GRIK3: variants seen among roughly 807,000 people sequenced by gnomAD.
GRIK3 encodes the protein glutamate receptor ionotropic, kainate 3.
GRIK3 carries 29 observed loss-of-function variants against 102.5 expected under a neutral mutation model. The observed-to-expected ratio is 0.28, with a 90% CI of 0.21 to 0.39. GRIK3 has a LOEUF of 0.39. GRIK3 is among the 10% of genes least tolerant of loss of function. The pLI, the probability that GRIK3 is intolerant of heterozygous loss-of-function variation, is 1.00. For missense variants in GRIK3, 908 were observed against 1,252.4 expected (o/e 0.73, Z 4.15); for synonymous variants, 511 against 504.9 (o/e 1.01, Z -0.16).
At chr1:36,927,826 G>C (rs903207543) in intron 1 of GRIK3, among the ~76,000 whole-genome samples, 2 of 152,120 alleles carry the variant, frequency 1.3e-5, no homozygotes, top group African/African-American at 2.4e-5. Context: ...AGAGTGTGAG[G>C]CTCCCCGAGA....
rs1570759176 is a variant in GRIK3 at position 36,850,118 on chromosome 1, C to T, written c.1326+193G>A. 4 of 574,928 alleles carry T rather than the reference C, an allele frequency of 7.0e-6. No individual in the cohort carries two copies. The East Asian group carries it at 8.7e-5, about 12-fold the overall frequency. The allele number at this position is 574,928 out of a possible 1,614,324, so 35.6% of individuals were successfully genotyped here. On this transcript the variant is annotated intron_variant, in intron 9 of 15. Coordinates refer to ENST00000373091, the MANE Select transcript of GRIK3 (RefSeq NM_000831.4). The surrounding 1 kb of genome is among the most constrained non-coding windows in gnomAD (Gnocchi z 4.0). ...GGAGTGAGACACAAAAACGCAGCGG[C>T]TTCCGCCCGTGGCAGCGAGCAGCGC...
In GRIK3 at chr1:36,802,061, G is replaced by A. The variant is rs1377956468; in HGVS notation, c.2566-16C>T. 1 of 1,591,158 alleles carries A rather than the reference G, an allele frequency of 6.3e-7. No individual in the cohort carries two copies. Among genetic ancestry groups the A allele is most frequent in the South Asian group, 1.1e-5 (1 of 87,568 alleles). On this transcript the variant is annotated splice_polypyrimidine_tract_variant and intron_variant, in intron 15 of 15. Coordinates refer to ENST00000373091, the MANE Select transcript of GRIK3 (RefSeq NM_000831.4). Reference sequence around the variant, plus strand: ...AGAAGGAACGCTGCAGGAGGGTGGAGGAGAGGGGTCGGAAAAGGGGCACAG... The same window carrying A: ...AGAAGGAACGCTGCAGGAGGGTGGAAGAGAGGGGTCGGAAAAGGGGCACAG...
chr1:36,913,690 C>A (rs543111061), intron 1 of GRIK3, among the ~76,000 whole-genome samples: 4 of 152,170 alleles, frequency 2.6e-5, no homozygotes, highest in Non-Finnish European at 5.9e-5. Flanking sequence ...GGCAACACCA[C>A]GCCCCACAGC....
chr1:36,834,736 G>T (rs1640351301), intron 10 of GRIK3, among the ~76,000 whole-genome samples: 1 of 152,170 alleles, frequency 6.6e-6, no homozygotes, highest in Non-Finnish European at 1.5e-5. Flanking sequence ...ATCTCCAAAA[G>T]AATCCTGTCC....
chr1:36,967,048 G>C (rs531938051), intron 1 of GRIK3, among the ~76,000 whole-genome samples: 4 of 152,278 alleles, frequency 2.6e-5, no homozygotes, highest in East Asian at 1.9e-4. Context: ...TAAGTATCAG[G>C]TCTTGTGTTG....
chr1:36,930,855 G>C (rs1641580141), intron 1 of GRIK3, among the ~76,000 whole-genome samples: 1 of 152,192 alleles, frequency 6.6e-6, no homozygotes, highest in Non-Finnish European at 1.5e-5. Flanking sequence ...CCTGTATCTT[G>C]AGAGCTACCC....
chr1:36,804,752 C>A (rs1023325551), intron 15 of GRIK3: 3 of 568,544 alleles, frequency 5.3e-6, no homozygotes, highest in Admixed American at 3.3e-5. Context: ...TTGAAGGCTG[C>A]GGCATAATCC....
intron 1 of GRIK3, among the ~76,000 whole-genome samples, chr1:37,013,846 C>T (rs1642624232): frequency 6.6e-6 from 1 of 152,220 alleles, no homozygotes; most frequent in South Asian, 2.1e-4. Flanking sequence ...GAACCTGGGC[C>T]AGCTGGGGAA....
intron 1 of GRIK3, among the ~76,000 whole-genome samples, chr1:36,976,207 G>A (rs1642194655): frequency 6.6e-6 from 1 of 152,120 alleles, no homozygotes; most frequent in Non-Finnish European, 1.5e-5. Flanking sequence ...AGGCATTTGA[G>A]TGAATCCTTG....
At chr1:36,938,976 A>G (rs1641689426) in intron 1 of GRIK3, among the ~76,000 whole-genome samples, 1 of 152,188 alleles carries the variant, frequency 6.6e-6, no homozygotes, top group Non-Finnish European at 1.5e-5. Flanking sequence ...GAGCCAGCAC[A>G]AGACGGAAAG....
intron 10 of GRIK3, among the ~76,000 whole-genome samples, chr1:36,834,461 T>C (rs939013405): frequency 1.3e-5 from 2 of 152,062 alleles, no homozygotes; most frequent in African/African-American, 4.8e-5. Flanking sequence ...AAAGCCCACA[T>C]ATATTTAAAT....
At chr1:36,853,825 G>C in intron 7 of GRIK3, 103 bp from the exon 8 acceptor site, 1 of 709,254 alleles carries the variant, frequency 1.4e-6, no homozygotes, top group South Asian at 1.6e-5. Context: ...CACTGATACT[G>C]TTCCCCCAAG....
At chr1:36,834,981 C>T (rs1200323371) in intron 10 of GRIK3, among the ~76,000 whole-genome samples, 1 of 152,220 alleles carries the variant, frequency 6.6e-6, no homozygotes, top group African/African-American at 2.4e-5. Flanking sequence ...AAGTTTGAGG[C>T]CTTTTCCTCG....
chr1:36,847,130 G>T (rs989416480), intron 9 of GRIK3, among the ~76,000 whole-genome samples: 1 of 152,228 alleles, frequency 6.6e-6, no homozygotes, highest in Non-Finnish European at 1.5e-5. Context: ...GGGTTAAGAT[G>T]GTCAGTGGCC....
At chr1:36,927,861 C>A (rs888886063) in intron 1 of GRIK3, among the ~76,000 whole-genome samples, 3 of 151,964 alleles carry the variant, frequency 2.0e-5, no homozygotes, top group South Asian at 2.1e-4. Flanking sequence ...TAATTGGAGA[C>A]CCGGAGCCCC....
At chr1:36,924,614 T>C (rs976418441) in intron 1 of GRIK3, among the ~76,000 whole-genome samples, 1 of 151,868 alleles carries the variant, frequency 6.6e-6, no homozygotes, top group African/African-American at 2.4e-5. Context: ...TCCCAGCCTG[T>C]GAGGAGGGCC....
intron 1 of GRIK3, among the ~76,000 whole-genome samples, chr1:36,989,352 T>C (rs143662131): frequency 6.6e-6 from 1 of 152,252 alleles, no homozygotes; most frequent in African/African-American, 2.4e-5. Flanking sequence ...CCAGGAGCCC[T>C]CGCCTGCACA....
At chr1:36,867,523 C>T (rs1048215224) in intron 5 of GRIK3, among the ~76,000 whole-genome samples, 12 of 152,104 alleles carry the variant, frequency 7.9e-5, no homozygotes, top group African/African-American at 1.7e-4. Context: ...GGACAGACGA[C>T]GACTACTTCT....
chr1:37,008,980 G>C (rs945360536), intron 1 of GRIK3, among the ~76,000 whole-genome samples: 1 of 152,062 alleles, frequency 6.6e-6, no homozygotes, highest in Non-Finnish European at 1.5e-5. Flanking sequence ...ACTGTCCGCA[G>C]TCAAATCCAA....
Sources: allele counts gnomAD v4.1 joint callset (sites outside exome capture counted in the v4.1 genomes callset), GRCh38; gene constraint gnomAD v4.1.1; non-coding constraint Gnocchi (gnomAD v3.1); transcripts MANE v1.5; gene names NCBI Gene and HGNC (gene_info 2026-07-23, HGNC 2026-07-21).